SNX29: variants seen among roughly 807,000 people sequenced by gnomAD.
SNX29 encodes sorting nexin 29, also known as sorting nexin-29.
A neutral mutation model predicts 102.1 loss-of-function variants in SNX29; 78 were observed. The ratio of observed to expected loss-of-function variants is 0.76; its 90% CI spans 0.64 to 0.92. The LOEUF is 0.92. Ranked by LOEUF, SNX29 falls within the 40% of genes least tolerant of loss-of-function variation. The pLI is 0.00. For missense variants in SNX29, 1,280 were observed against 1,061.7 expected (o/e 1.21, Z -2.86); for synonymous variants, 580 against 414.5 (o/e 1.40, Z -4.85).
intron 14 of SNX29, among the ~76,000 whole-genome samples, chr16:12,254,968 C>T (rs2078526326): frequency 6.6e-6 from 1 of 152,106 alleles, no homozygotes; most frequent in African/African-American, 2.4e-5. Context: ...GGAAATGCAG[C>T]AGTAATGGCA....
At chr16:12,317,079 T>G (rs1039690212) in intron 15 of SNX29, among the ~76,000 whole-genome samples, 1 of 152,202 alleles carries the variant, frequency 6.6e-6, no homozygotes, top group Non-Finnish European at 1.5e-5. Flanking sequence ...TGAGAGGAAA[T>G]TCGGTTACAG....
Position 12,572,932 on chromosome 16 carries a change from G to A in SNX29, c.*4303G>A. The A allele has an allele frequency of 8.1e-6, 7 of 862,080 alleles. No individual in the cohort carries two copies. The highest frequency in any genetic ancestry group is 1.0e-5 in the Non-Finnish European group (7 of 694,630). The allele number at this position is 862,080 out of a possible 1,614,324, so 53.4% of individuals were successfully genotyped here. A position where few individuals can be genotyped will look rare whatever the true frequency, so the allele number is the denominator to read the frequency against. ...CGGCAGACTTGGAGTGTTTCTTCAA[G>A]GCAGGCATCTGCTTATGAGCAAGGT... On this transcript the variant is annotated 3_prime_UTR_variant, in exon 21 of 21. Transcript: ENST00000566228.
chr16:12,557,157 C>T (rs2078420104), intron 20 of SNX29, among the ~76,000 whole-genome samples: 1 of 152,090 alleles, frequency 6.6e-6, no homozygotes, highest in African/African-American at 2.4e-5. Context: ...TCACAATTTC[C>T]ATTTTGGCTA....
chr16:12,205,935 G>A (rs2077034282), intron 14 of SNX29, among the ~76,000 whole-genome samples: 1 of 152,242 alleles, frequency 6.6e-6, no homozygotes, highest in Non-Finnish European at 1.5e-5. Flanking sequence ...TAAAATAGGA[G>A]CTGTTGGATC....
chr16:12,506,956 A>T (rs186047081), intron 19 of SNX29, among the ~76,000 whole-genome samples: 2 of 152,344 alleles, frequency 1.3e-5, no homozygotes, highest in East Asian at 3.9e-4. Context: ...AAAGCTCTGA[A>T]CTGCAGAGCA....
At chr16:12,561,718 G>C (rs1167475730) in intron 20 of SNX29, among the ~76,000 whole-genome samples, 1 of 152,194 alleles carries the variant, frequency 6.6e-6, no homozygotes, top group Non-Finnish European at 1.5e-5. Context: ...GCTGTGTTAA[G>C]TTGCTAGCAG....
chr16:12,373,945 C>T (rs2082780558), intron 16 of SNX29: 1 of 152,208 alleles, frequency 6.6e-6, no homozygotes, highest in Non-Finnish European at 1.5e-5. Context: ...TAAGTGGTTT[C>T]CAATTTGGGT....
intron 16 of SNX29, among the ~76,000 whole-genome samples, chr16:12,359,714 A>G (rs568883885): frequency 2.6e-5 from 4 of 152,250 alleles, no homozygotes; most frequent in African/African-American, 7.2e-5. Context: ...TTACTTCTCA[A>G]CTCACATTAT....
chr16:12,280,268 G>T (rs2079390811), intron 15 of SNX29, among the ~76,000 whole-genome samples: 1 of 152,216 alleles, frequency 6.6e-6, no homozygotes, highest in African/African-American at 2.4e-5. Context: ...GGGGAGAAAG[G>T]TGATGCTGTG....
intron 16 of SNX29, among the ~76,000 whole-genome samples, chr16:12,397,737 A>G (rs544888483): frequency 6.6e-6 from 1 of 152,290 alleles, no homozygotes; most frequent in South Asian, 2.1e-4. Flanking sequence ...TAATTGCAAT[A>G]CTTGTGACAG....
At chr16:12,439,105 A>G (rs729582) in intron 18 of SNX29, among the ~76,000 whole-genome samples, 106,160 of 152,182 alleles carry the variant, frequency 0.7, 38,152 homozygotes, top group African/African-American at 0.88. Context: ...TCATCAGTGA[A>G]GCCAGTCTTT....
intron 4 of SNX29, among the ~76,000 whole-genome samples, chr16:12,033,060 G>T (rs1398194907): frequency 6.6e-6 from 1 of 151,906 alleles, no homozygotes; most frequent in Non-Finnish European, 1.5e-5. Flanking sequence ...TCACCACGTT[G>T]GCCAGGCTGG....
At chr16:12,512,477 G>C (rs910997914) in intron 19 of SNX29, among the ~76,000 whole-genome samples, 6 of 142,560 alleles carry the variant, frequency 4.2e-5, no homozygotes, top group Non-Finnish European at 9.2e-5. Flanking sequence ...GCAGTGGTGC[G>C]ATCTCAGCTC....
At chr16:12,421,913 G>A (rs112552372) in intron 18 of SNX29, among the ~76,000 whole-genome samples, 107 of 70,654 alleles carry the variant, frequency 1.5e-3, no homozygotes, top group African/African-American at 3.1e-3. Context: ...ATCACCAGCC[G>A]TCCATCACCA....
rs531094844 is a variant in SNX29, at chr16:12,099,004, G to T, written c.1402+20089G>T. ...ACAGAAAGAGTGAGGGTGGGAACTG[G>T]GGAGTGGGGACCTACTTCATGTGAA... is the stretch of plus-strand genomic sequence containing the variant. On this transcript the variant is annotated intron_variant, in intron 11 of 20. Transcript: ENST00000566228. Among the ~76,000 whole-genome samples the T allele has an allele frequency of 3.3e-5, 5 of 152,284 alleles. No individual in the cohort carries two copies. In the East Asian group the frequency reaches 9.7e-4, roughly 29 times the overall value.
At position 12,522,708 on chromosome 16, in the gene SNX29, C is replaced by T. The variant is rs116226187; in HGVS notation, c.2179-1994C>T. ...TGCCTTCCACCATGATTGTAAGTTA[C>T]TGAGGCATCCCCCACCATGTTTCCT... is the stretch of plus-strand genomic sequence containing the variant. On this transcript the variant is annotated intron_variant, in intron 19 of 20. Coordinates refer to ENST00000566228, the MANE Select transcript of SNX29 (RefSeq NM_032167.5). Among the ~76,000 whole-genome samples, 717 of 152,294 alleles carry T rather than the reference C, an allele frequency of 4.7e-3. 11 individuals carry two copies. Among genetic ancestry groups the T allele is most frequent in the African/African-American group, 0.016 (681 of 41,572 alleles).
chr16:12,315,282 C>A (rs938381908), intron 15 of SNX29, among the ~76,000 whole-genome samples: 1 of 152,100 alleles, frequency 6.6e-6, no homozygotes, highest in Non-Finnish European at 1.5e-5. Context: ...GGCCTTGCTC[C>A]GGACCAGGGA....
intron 19 of SNX29, among the ~76,000 whole-genome samples, chr16:12,498,999 C>A (rs973532892): frequency 6.6e-6 from 1 of 152,100 alleles, no homozygotes; most frequent in Non-Finnish European, 1.5e-5. Context: ...CTGCATAAAT[C>A]TTTTTAGGGA....
chr16:12,099,618 G>A (rs533671011), intron 11 of SNX29, among the ~76,000 whole-genome samples: 2 of 152,306 alleles, frequency 1.3e-5, no homozygotes, highest in African/African-American at 4.8e-5. Context: ...AGTCCTGTCG[G>A]CCTCCAGAAG....
Sources: gnomAD v4.1 joint callset for allele counts (sites outside exome capture counted in the v4.1 genomes callset) on GRCh38, gnomAD v4.1.1 for gene constraint, MANE v1.5 for transcripts, NCBI Gene and HGNC (gene_info 2026-07-23, HGNC 2026-07-21) for gene names.